The following PLD5 variants were observed in gnomAD, a reference collection of about 807,000 sequenced individuals.
The protein encoded by PLD5 is inactive phospholipase D5.
A neutral mutation model predicts 61.1 loss-of-function variants in PLD5; 36 were observed. That is an observed-to-expected ratio of 0.59 (90% CI 0.45 to 0.78). PLD5 has a LOEUF of 0.78. Ranked by LOEUF, PLD5 falls within the 30% of genes least tolerant of loss-of-function variation. The probability of loss-of-function intolerance (pLI) is 0.00; values close to 1 mark genes in which losing one functional copy is unlikely to be tolerated. For missense variants in PLD5, 515 were observed against 644.4 expected (o/e 0.80, Z 2.17); for synonymous variants, 243 against 242.8 (o/e 1.00, Z -0.01).
intron 1 of PLD5, among the ~76,000 whole-genome samples, chr1:242,467,205 C>G (rs1274397877): frequency 6.6e-6 from 1 of 152,026 alleles, no homozygotes; most frequent in Non-Finnish European, 1.5e-5. Flanking sequence ...CACATTGTAA[C>G]AATTCTCACT....
At chr1:242,270,147 C>T (rs1673970213) in intron 3 of PLD5, among the ~76,000 whole-genome samples, 1 of 151,124 alleles carries the variant, frequency 6.6e-6, no homozygotes, top group South Asian at 2.1e-4. Flanking sequence ...CTTGTTTTAG[C>T]AGTTGAACTC....
rs148181996 is a variant in PLD5 at position 242,458,116 on chromosome 1, G to A, written c.189+65972C>T. ...TCCCTCCTTTAGGACACATGGTATC[G>A]GGGCTCTCATTAAAACCTCTGAGGC... On this transcript the variant is annotated intron_variant, in intron 1 of 9. Transcript: ENST00000536534. Among the ~76,000 whole-genome samples, 169 of 152,214 alleles carry A rather than the reference G, an allele frequency of 1.1e-3. 1 individual carries two copies. In the East Asian group the frequency reaches 0.028, roughly 25 times the overall value.
intron 1 of PLD5, among the ~76,000 whole-genome samples, chr1:242,441,402 C>T (rs535950334): frequency 2.3e-4 from 35 of 151,952 alleles, no homozygotes; most frequent in Middle Eastern, 6.8e-3. Context: ...CAGTTATTAG[C>T]CCTAAATTAT....
chr1:242,438,585 C>T lies in PLD5; in HGVS notation c.189+85503G>A, dbSNP rs564121838. ...TCAGCCTCCTGAGTACTCAGATTAC[C>T]GGCACGCATCACCACGCCCAGCTAA... On this transcript the variant is annotated intron_variant, in intron 1 of 9. Coordinates refer to ENST00000536534, the MANE Select transcript of PLD5 (RefSeq NM_001372062.1). Among the ~76,000 whole-genome samples, 31 of 151,972 alleles carry T rather than the reference C, an allele frequency of 2.0e-4. 1 individual carries two copies. In the South Asian group the frequency reaches 6.0e-3, roughly 30 times the overall value.
intron 1 of PLD5, among the ~76,000 whole-genome samples, chr1:242,472,212 G>A (rs757098680): frequency 9.9e-5 from 15 of 152,192 alleles, no homozygotes; most frequent in Non-Finnish European, 2.1e-4. Flanking sequence ...AGCTACTTGG[G>A]GCTCAGTGGA....
At chr1:242,154,273 A>AATCAT (rs1221011852) in intron 5 of PLD5, among the ~76,000 whole-genome samples, 1 of 152,190 alleles carries the variant, frequency 6.6e-6, no homozygotes, top group Non-Finnish European at 1.5e-5. Flanking sequence ...CCAAAGATAC[A>AATCAT]ATCATGTCAT....
chr1:242,350,054 GA>G (rs199888310), intron 1 of PLD5, among the ~76,000 whole-genome samples: 56 of 149,350 alleles, frequency 3.7e-4, no homozygotes, highest in African/African-American at 1.3e-3. Flanking sequence ...GTCTCTAAAA[GA>G]AAAAAAAAGG....
chr1:242,460,858 G>A (rs1161376022), intron 1 of PLD5, among the ~76,000 whole-genome samples: 1 of 151,732 alleles, frequency 6.6e-6, no homozygotes, highest in Non-Finnish European at 1.5e-5. Context: ...AAAAAGCAGA[G>A]GCCAGGCACG....
At chr1:242,267,053 G>T (rs1399264463) in intron 3 of PLD5, among the ~76,000 whole-genome samples, 1 of 151,870 alleles carries the variant, frequency 6.6e-6, no homozygotes, top group Non-Finnish European at 1.5e-5. Flanking sequence ...GGAGGTGGAG[G>T]TTACAGTGAG....
At chr1:242,367,836 A>G (rs77862364) in intron 1 of PLD5, among the ~76,000 whole-genome samples, 6,356 of 152,262 alleles carry the variant, frequency 0.042, 312 homozygotes, top group African/African-American at 0.12. Flanking sequence ...AAGTTGCCCC[A>G]GTGAAACATC....
intron 5 of PLD5, among the ~76,000 whole-genome samples, chr1:242,141,246 C>T (rs1057406920): frequency 6.6e-6 from 1 of 152,172 alleles, no homozygotes; most frequent in African/African-American, 2.4e-5. Flanking sequence ...AATTACAATC[C>T]TGCAGGGAGT....
chr1:242,414,867 G>A (rs1189549519), intron 1 of PLD5, among the ~76,000 whole-genome samples: 2 of 152,158 alleles, frequency 1.3e-5, no homozygotes, highest in African/African-American at 4.8e-5. Context: ...GAAAATCTTT[G>A]CTACTTGTAT....
At chr1:242,181,503 T>C (rs749589087) in intron 5 of PLD5, among the ~76,000 whole-genome samples, 1 of 152,192 alleles carries the variant, frequency 6.6e-6, no homozygotes, top group Non-Finnish European at 1.5e-5. Context: ...AGACTTAGCA[T>C]AACATACATG....
intron 1 of PLD5, among the ~76,000 whole-genome samples, chr1:242,420,991 C>G (rs1665105900): frequency 6.6e-6 from 1 of 151,976 alleles, no homozygotes; most frequent in African/African-American, 2.4e-5. Context: ...TCCATCCTGA[C>G]CAACATGGTG....
At chr1:242,348,856 C>A (rs569142540) in intron 1 of PLD5, among the ~76,000 whole-genome samples, 1 of 152,258 alleles carries the variant, frequency 6.6e-6, no homozygotes, top group Admixed American at 6.5e-5. Context: ...AGATCAAGAC[C>A]GTCCTGGCTA....
chr1:242,423,935 C>T (rs571492825), intron 1 of PLD5, among the ~76,000 whole-genome samples: 2 of 152,306 alleles, frequency 1.3e-5, no homozygotes, highest in South Asian at 4.1e-4. Context: ...CAATCTTACT[C>T]ATGCAAGTAT....
Position 242,236,520 on chromosome 1 carries a change from C to A in PLD5, c.608-16405G>T, listed in dbSNP as rs368309310. Among the ~76,000 whole-genome samples the A allele has an allele frequency of 3.5e-3, 529 of 151,664 alleles. 8 individuals carry two copies. The highest frequency in any genetic ancestry group is 0.012 in the African/African-American group (505 of 41,414). ...TTTCTCCCATCTCCAGAATGAATTACTTTTGCTTTTGAAAAAAATAATAAA... is the reference window on the plus strand; with the variant it reads ...TTTCTCCCATCTCCAGAATGAATTAATTTTGCTTTTGAAAAAAATAATAAA... On this transcript the variant is annotated intron_variant, in intron 4 of 9. Coordinates refer to ENST00000536534, the MANE Select transcript of PLD5 (RefSeq NM_001372062.1).
At chr1:242,516,666 T>C (rs1284808635) in intron 1 of PLD5, among the ~76,000 whole-genome samples, 1 of 152,226 alleles carries the variant, frequency 6.6e-6, no homozygotes, top group Non-Finnish European at 1.5e-5. Flanking sequence ...CACTGTCTAG[T>C]TTGTCAGTTG....
intron 5 of PLD5, among the ~76,000 whole-genome samples, chr1:242,138,321 A>T (rs1448367807): frequency 6.6e-6 from 1 of 152,146 alleles, no homozygotes; most frequent in Non-Finnish European, 1.5e-5. Flanking sequence ...AAAGGAGATT[A>T]AAAAAACAAG....
Sources: allele counts gnomAD v4.1 joint callset (sites outside exome capture counted in the v4.1 genomes callset), GRCh38; gene constraint gnomAD v4.1.1; transcripts MANE v1.5; gene names NCBI Gene and HGNC (gene_info 2026-07-23, HGNC 2026-07-21).